The following USH2A variants were observed in gnomAD, a reference collection of about 807,000 sequenced individuals.
The protein encoded by USH2A is Usher syndrome 2A (autosomal recessive, mild).
Under a neutral mutation model 538.9 loss-of-function variants are expected in USH2A, and 443 were observed. That is an observed-to-expected ratio of 0.82 (90% CI 0.76 to 0.89). USH2A has a LOEUF of 0.89. Ranked by LOEUF, USH2A falls within the 40% of genes least tolerant of loss-of-function variation. The pLI, the probability that USH2A is intolerant of heterozygous loss-of-function variation, is 0.00. For missense variants in USH2A, 6,633 were observed against 6,324.8 expected (o/e 1.05, Z -1.65); for synonymous variants, 2,413 against 2,273.5 (o/e 1.06, Z -1.75).
At chr1:216,104,234 A>G (rs1571963941) in intron 21 of USH2A, among the ~76,000 whole-genome samples, 1 of 143,778 alleles carries the variant, frequency 7.0e-6, no homozygotes, top group African/African-American at 2.6e-5. Context: ...ACCCCACAAC[A>G]GGCCCTGGTG....
At chr1:216,055,958 T>C (rs1173797920) in intron 30 of USH2A, among the ~76,000 whole-genome samples, 1 of 152,226 alleles carries the variant, frequency 6.6e-6, no homozygotes, top group Non-Finnish European at 1.5e-5. Flanking sequence ...TATCAAAGAC[T>C]ATGCAGATGT....
chr1:216,046,286 CTGT>C (rs1286307641), intron 32 of USH2A, 142 bp downstream of exon 32: 9 of 804,906 alleles, frequency 1.1e-5, no homozygotes, highest in African/African-American at 1.8e-5. Context: ...TTTAATTGTT[CTGT>C]TGTTATTTTT....
intron 58 of USH2A, among the ~76,000 whole-genome samples, chr1:215,748,022 G>A (rs999852736): frequency 4.6e-5 from 7 of 151,908 alleles, no homozygotes; most frequent in East Asian, 1.9e-4. Context: ...CTCCCGAGTA[G>A]CTGGGACTAC....
At position 216,134,243 on chromosome 1, in the gene USH2A, TTTC is replaced by T. The variant is rs904115772; in HGVS notation, c.4628-37033_4628-37031del. Among the ~76,000 whole-genome samples, 33 of 152,242 alleles carry T rather than the reference TTTC, an allele frequency of 2.2e-4. 1 individual carries two copies. Among genetic ancestry groups the T allele is most frequent in the Middle Eastern group, 3.4e-3 (1 of 294 alleles). ...AAAAGTTTTGAAAATTCTTCTCATATTTCTTATTTATTTTTAAAATGAAGGGAA... is the reference window on the plus strand; with the variant it reads ...AAAAGTTTTGAAAATTCTTCTCATATTTATTTATTTTTAAAATGAAGGGAA... On this transcript the variant is annotated intron_variant, in intron 21 of 71. Coordinates refer to ENST00000307340, the MANE Select transcript of USH2A (RefSeq NM_206933.4).
intron 15 of USH2A, among the ~76,000 whole-genome samples, chr1:216,209,105 C>T (rs1223351371): frequency 6.6e-6 from 1 of 152,176 alleles, no homozygotes; most frequent in East Asian, 1.9e-4. Flanking sequence ...GTAAGCAGGT[C>T]TTTCTAAAAA....
intron 21 of USH2A, chr1:216,174,589 A>G (rs1257840814): frequency 1.0e-6 from 1 of 981,162 alleles, no homozygotes; most frequent in African/African-American, 1.7e-5. Flanking sequence ...TAAAATTTAC[A>G]TTAACACTGA....
intron 40 of USH2A, among the ~76,000 whole-genome samples, chr1:215,889,835 C>T (rs1265945468): frequency 6.6e-6 from 1 of 152,144 alleles, no homozygotes; most frequent in South Asian, 2.1e-4. Context: ...AGAGAAATTC[C>T]TTAATTGTAA....
intron 20 of USH2A, among the ~76,000 whole-genome samples, chr1:216,179,874 G>A (rs906573791): frequency 1.2e-4 from 19 of 152,032 alleles, no homozygotes; most frequent in Non-Finnish European, 2.4e-4. Flanking sequence ...AAAACAGTTC[G>A]TTAAGAGACA....
intron 9 of USH2A, among the ~76,000 whole-genome samples, chr1:216,306,370 CTTATTTATGCTAT>C (rs2037317304): frequency 6.6e-6 from 1 of 152,048 alleles, no homozygotes; most frequent in Non-Finnish European, 1.5e-5. Context: ...ATGATTGCTT[CTTATTTATGCTAT>C]TTATTTATCT....
intron 30 of USH2A, among the ~76,000 whole-genome samples, chr1:216,050,619 T>TCTCTCTCTCTCTCTCTCTCTC (rs1398624665): frequency 7.2e-6 from 1 of 138,322 alleles, no homozygotes; most frequent in African/African-American, 2.6e-5. Context: ...TTTTTTTTTT[T>TCTCTCTCTCTCTCTCTCTCTC]TTTGAGACAG....
At chr1:216,249,617 G>A (rs764407172) in intron 12 of USH2A, among the ~76,000 whole-genome samples, 3 of 152,040 alleles carry the variant, frequency 2.0e-5, no homozygotes, top group Non-Finnish European at 2.9e-5. Context: ...GTATGCTTGA[G>A]ATGCATATAG....
intron 64 of USH2A, among the ~76,000 whole-genome samples, chr1:215,659,448 T>A (rs552324222): frequency 6.6e-6 from 1 of 152,306 alleles, no homozygotes. Context: ...AGTTTGCATC[T>A]TATGGAATGG....
At chr1:215,898,671 C>A (rs1665410526) in intron 40 of USH2A, among the ~76,000 whole-genome samples, 1 of 152,116 alleles carries the variant, frequency 6.6e-6, no homozygotes, top group Non-Finnish European at 1.5e-5. Context: ...TTTGGCTAAT[C>A]TTTATTTAGT....
At chr1:215,874,871 A>G (rs1664719278) in intron 43 of USH2A, among the ~76,000 whole-genome samples, 1 of 152,228 alleles carries the variant, frequency 6.6e-6, no homozygotes, top group East Asian at 1.9e-4. Flanking sequence ...TTAGAATTCA[A>G]TTAAAAACCC....
intron 43 of USH2A, among the ~76,000 whole-genome samples, chr1:215,870,154 T>C (rs752759158): frequency 2.6e-5 from 4 of 152,208 alleles, no homozygotes; most frequent in Non-Finnish European, 2.9e-5. Flanking sequence ...AATATTACAC[T>C]ATTTCCACTT....
intron 58 of USH2A, 103 bp from the exon 59 acceptor site, chr1:215,743,438 A>ATGTGTGTG (rs1660373330): frequency 7.3e-6 from 2 of 274,450 alleles, no homozygotes; most frequent in Admixed American, 8.5e-5. Context: ...AGACACACAT[A>ATGTGTGTG]TATATATAAA....
chr1:215,729,086 C>T (rs1393523349), intron 60 of USH2A, among the ~76,000 whole-genome samples: 1 of 152,100 alleles, frequency 6.6e-6, no homozygotes, highest in East Asian at 1.9e-4. Context: ...TTTTTTGGCT[C>T]ATGGGACAGT....
intron 32 of USH2A, among the ~76,000 whole-genome samples, chr1:216,033,549 A>C (rs772469870): frequency 6.6e-6 from 1 of 152,332 alleles, no homozygotes. Flanking sequence ...GAATGATATA[A>C]GGCTAAGAAA....
chr1:216,348,545 T>C (rs1320125508), intron 4 of USH2A, among the ~76,000 whole-genome samples: 1 of 152,126 alleles, frequency 6.6e-6, no homozygotes, highest in Non-Finnish European at 1.5e-5. Context: ...AGGTCTTATC[T>C]GAGATTCCTT....
Sources: gnomAD v4.1 joint callset for allele counts (sites outside exome capture counted in the v4.1 genomes callset) on GRCh38, gnomAD v4.1.1 for gene constraint, MANE v1.5 for transcripts, NCBI Gene and HGNC (gene_info 2026-07-23, HGNC 2026-07-21) for gene names.